The following SBF2 variants were observed in gnomAD, a reference collection of about 807,000 sequenced individuals.
SBF2 encodes myotubularin-related protein 13.
SBF2 carries 112 observed loss-of-function variants against 225.2 expected under a neutral mutation model. The ratio of observed to expected loss-of-function variants is 0.50; its 90% CI spans 0.43 to 0.58. The LOEUF is 0.58. SBF2 is among the 20% of genes least tolerant of loss of function. The pLI, the probability that SBF2 is intolerant of heterozygous loss-of-function variation, is 0.00. For synonymous variants in SBF2, 763 were observed against 773.3 expected (o/e 0.99, Z 0.22); for missense variants, 1,996 against 2,206.2 (o/e 0.90, Z 1.91).
At position 9,829,484 on chromosome 11, in the gene SBF2, G is replaced by A; in HGVS notation, c.3665C>T (p.Ser1222Phe). 6.2e-7 allele frequency: 1 copy of A among 1,611,258 alleles called. No individual in the cohort carries two copies. The highest frequency in any genetic ancestry group is 1.1e-5 in the South Asian group (1 of 91,022). The change falls in exon 28 of 40, where the codon TCT becomes TTT. Residue 1222 changes from serine (S) to phenylalanine (F), a missense_variant. Coordinates refer to ENST00000256190, the MANE Select transcript of SBF2 (RefSeq NM_030962.4). ...TTCTATGCTACTGGAAGATTCTAAA[G>A]AGGAGGTAGGAGCTATAAAAGGAAA... ...QNSPQAAPTS[S>F]LESSSSIEQE...
At chr11:9,978,402 G>A (rs571702062) in intron 13 of SBF2, among the ~76,000 whole-genome samples, 2 of 152,128 alleles carry the variant, frequency 1.3e-5, no homozygotes, top group South Asian at 2.1e-4. Flanking sequence ...GGAGAATTAC[G>A]TACCTAGAAT....
chr11:9,904,997 C>A (rs1862014094), intron 16 of SBF2, among the ~76,000 whole-genome samples: 1 of 152,152 alleles, frequency 6.6e-6, no homozygotes, highest in African/African-American at 2.4e-5. Context: ...GCCTTCCAGC[C>A]TGGGTGACAA....
chr11:10,004,442 A>C (rs560367282), intron 6 of SBF2, among the ~76,000 whole-genome samples: 45 of 151,938 alleles, frequency 3.0e-4, no homozygotes, highest in Non-Finnish European at 5.9e-4. Context: ...AAGGTGCACA[A>C]TGATTATATA....
chr11:10,134,373 C>A (rs531927617), intron 2 of SBF2, among the ~76,000 whole-genome samples: 3 of 152,208 alleles, frequency 2.0e-5, no homozygotes, highest in African/African-American at 7.2e-5. Flanking sequence ...CCTGGCCCCC[C>A]CCAAACCTCA....
chr11:10,275,418 C>T (rs1043468125), intron 1 of SBF2, among the ~76,000 whole-genome samples: 3 of 152,118 alleles, frequency 2.0e-5, no homozygotes, highest in East Asian at 3.9e-4. Context: ...GGTATGACAC[C>T]CATCTCCGCA....
At chr11:10,152,367 A>G in intron 2 of SBF2, among the ~76,000 whole-genome samples, 1 of 115,540 alleles carries the variant, frequency 8.7e-6, no homozygotes, top group Admixed American at 8.7e-5. Context: ...CCTGACCAAC[A>G]TGGAGAAACC....
chr11:10,021,728 G>C (rs1288801081), intron 6 of SBF2, among the ~76,000 whole-genome samples: 4 of 152,288 alleles, frequency 2.6e-5, no homozygotes, highest in African/African-American at 7.2e-5. Context: ...CTTCCTGTCT[G>C]TGCTTTGTAA....
At chr11:10,196,855 TATA>T (rs1228991539) in intron 1 of SBF2, among the ~76,000 whole-genome samples, 5 of 33,954 alleles carry the variant, frequency 1.5e-4, no homozygotes, top group Admixed American at 2.8e-4. Flanking sequence ...TATATATATA[TATA>T]TATATATATT....
chr11:10,264,080 A>G (rs114191673), intron 1 of SBF2, among the ~76,000 whole-genome samples: 1 of 152,306 alleles, frequency 6.6e-6, no homozygotes, highest in African/African-American at 2.4e-5. Context: ...GGCAGCTTGG[A>G]GATCTTCAAG....
chr11:10,226,336 T>TATG (rs1304683431), intron 1 of SBF2, among the ~76,000 whole-genome samples: 1 of 152,150 alleles, frequency 6.6e-6, no homozygotes, highest in Admixed American at 6.5e-5. Context: ...TTCTTAATTT[T>TATG]ATTATTATTA....
chr11:10,183,446 A>T (rs1956813940), intron 2 of SBF2, among the ~76,000 whole-genome samples: 1 of 152,240 alleles, frequency 6.6e-6, no homozygotes, highest in East Asian at 1.9e-4. Flanking sequence ...AAATCCAGAG[A>T]AACTTTAATC....
At chr11:9,919,250 C>T (rs1863379881) in intron 16 of SBF2, among the ~76,000 whole-genome samples, 2 of 141,782 alleles carry the variant, frequency 1.4e-5, no homozygotes, top group Non-Finnish European at 3.0e-5. Context: ...AATAGCCTCT[C>T]CTTTCTTCTT....
rs1866397347 is a variant in SBF2, at chr11:9,959,219, C to T, written c.1860+2738G>A. 1.0e-5 allele frequency: 8 copies of T among 777,270 alleles called. 1 individual carries two copies. In the South Asian group the frequency reaches 1.1e-4, roughly 10 times the overall value. The allele number at this position is 777,270 out of a possible 1,614,324, so 48.1% of individuals were successfully genotyped here. On this transcript the variant is annotated intron_variant, in intron 16 of 39. Transcript: ENST00000256190. Reference sequence around the variant, plus strand: ...TGGAATTTCCACTGGGCAGGCATGACCTCAGCATTAGTCCCTGCAATCTTG... The same window carrying T: ...TGGAATTTCCACTGGGCAGGCATGATCTCAGCATTAGTCCCTGCAATCTTG...
In SBF2 at chr11:9,858,427, G is replaced by T. The variant is rs763999296; in HGVS notation, c.1930-31C>A. Reference sequence around the variant, plus strand: ...AGAACACACAAAATACATCATCATGGGGCTGGCAGAATTATAACAGTTCAT... The same window carrying T: ...AGAACACACAAAATACATCATCATGTGGCTGGCAGAATTATAACAGTTCAT... On this transcript the variant is annotated intron_variant, in intron 17 of 39. Coordinates refer to ENST00000256190, the MANE Select transcript of SBF2 (RefSeq NM_030962.4). The T allele has an allele frequency of 5.6e-6, 9 of 1,611,586 alleles. No individual in the cohort carries two copies. In the Admixed American group the frequency reaches 1.5e-4, roughly 27 times the overall value.
intron 26 of SBF2, among the ~76,000 whole-genome samples, chr11:9,834,766 T>C (rs1249616535): frequency 6.6e-6 from 1 of 152,208 alleles, no homozygotes; most frequent in Non-Finnish European, 1.5e-5. Context: ...TTTCCCAACT[T>C]GCTTCAAGAT....
At chr11:10,214,339 A>G (rs1249819166) in intron 1 of SBF2, among the ~76,000 whole-genome samples, 1 of 152,132 alleles carries the variant, frequency 6.6e-6, no homozygotes, top group African/African-American at 2.4e-5. Context: ...AAAACAGCCA[A>G]TTGGCCGGGC....
intron 9 of SBF2, among the ~76,000 whole-genome samples, chr11:9,995,030 GAC>G (rs2134481033): frequency 8.7e-6 from 1 of 115,318 alleles, no homozygotes; most frequent in Non-Finnish European, 1.8e-5. Flanking sequence ...GTTATAACAA[GAC>G]TCTGTCTCAA....
At chr11:10,108,077 G>C (rs908541611) in intron 2 of SBF2, among the ~76,000 whole-genome samples, 4 of 152,128 alleles carry the variant, frequency 2.6e-5, no homozygotes, top group African/African-American at 9.7e-5. Context: ...GAAAGTATAC[G>C]CTTTGTGACA....
At chr11:10,016,381 AAATT>A (rs1273613728) in intron 6 of SBF2, 1 of 152,198 alleles carries the variant, frequency 6.6e-6, no homozygotes, top group Non-Finnish European at 1.5e-5. Flanking sequence ...ATTATCCAGA[AAATT>A]AATAGTATAA....
Sources: allele counts gnomAD v4.1 joint callset (sites outside exome capture counted in the v4.1 genomes callset), GRCh38; gene constraint gnomAD v4.1.1; transcripts MANE v1.5; gene names NCBI Gene and HGNC (gene_info 2026-07-23, HGNC 2026-07-21).